The following RBPMS variants were observed in gnomAD, a reference collection of about 807,000 sequenced individuals.
The protein encoded by RBPMS is RNA-binding protein with multiple splicing.
RBPMS carries 7 observed loss-of-function variants against 26.8 expected under a neutral mutation model. The observed-to-expected ratio is 0.26, with a 90% CI of 0.15 to 0.49. RBPMS has a LOEUF of 0.49. Among genes scored for constraint, RBPMS ranks in the 20% least tolerant of loss-of-function variants. The pLI is 0.98. For missense variants in RBPMS, 186 were observed against 250.0 expected (o/e 0.74, Z 1.73); for synonymous variants, 96 against 93.3 (o/e 1.03, Z -0.17).
intron 8 of RBPMS, among the ~76,000 whole-genome samples, chr8:30,569,614 G>T (rs965814328): frequency 1.3e-5 from 2 of 152,192 alleles, no homozygotes; most frequent in African/African-American, 4.8e-5. Context: ...GGTGGAGAGT[G>T]ATTTAGGAAT....
intron 4 of RBPMS, among the ~76,000 whole-genome samples, chr8:30,490,341 A>T (rs1411950850): frequency 6.6e-6 from 1 of 152,206 alleles, no homozygotes; most frequent in Non-Finnish European, 1.5e-5. Context: ...TTAATTGTGC[A>T]CATCTTTCTC....
chr8:30,495,016 A>G (rs1207444364), intron 4 of RBPMS, among the ~76,000 whole-genome samples: 3 of 152,228 alleles, frequency 2.0e-5, no homozygotes, highest in Non-Finnish European at 2.9e-5. Context: ...AGTCACTAGG[A>G]AATATTAAAA....
At position 30,431,343 on chromosome 8, in the gene RBPMS, CT is replaced by C. The variant is rs576852304; in HGVS notation, c.67-43427del. Among the ~76,000 whole-genome samples, 103 of 122,478 alleles carry C rather than the reference CT, an allele frequency of 8.4e-4. 1 individual carries two copies. The highest frequency in any genetic ancestry group is 2.5e-3 in the African/African-American group (79 of 31,494). The allele number at this position is 122,478 out of a possible 152,430, so 80.4% of individuals were successfully genotyped here. A position where few individuals can be genotyped will look rare whatever the true frequency, so the allele number is the denominator to read the frequency against. On this transcript the variant is annotated intron_variant, in intron 1 of 8. Transcript: ENST00000397323. The stretch of plus-strand genomic sequence containing the variant: ...TCTTTCTTTCTCCTTTCTTTCTTTT[CT>C]TTTTTTTTCTTTCTCTTTCTTTCTT...
intron 5 of RBPMS, among the ~76,000 whole-genome samples, 184 bp downstream of exon 5, chr8:30,504,620 C>A (rs1820903188): frequency 6.6e-6 from 1 of 152,058 alleles, no homozygotes; most frequent in South Asian, 2.1e-4. Flanking sequence ...GATTGGCTTC[C>A]CAAAAGATGG....
intron 1 of RBPMS, among the ~76,000 whole-genome samples, chr8:30,389,452 A>T (rs1451222636): frequency 6.6e-6 from 1 of 152,176 alleles, no homozygotes; most frequent in South Asian, 2.1e-4. Context: ...TTAAGGATAA[A>T]AGTGTTCAGT....
intron 6 of RBPMS, chr8:30,545,092 T>G: frequency 7.4e-7 from 1 of 1,358,156 alleles, no homozygotes; most frequent in Non-Finnish European, 9.6e-7. Flanking sequence ...AGGGAAAGCT[T>G]CCAGGGGGGA....
At chr8:30,412,438 A>T (rs1273643184) in intron 1 of RBPMS, among the ~76,000 whole-genome samples, 1 of 151,888 alleles carries the variant, frequency 6.6e-6, no homozygotes, top group African/African-American at 2.4e-5. Context: ...TTTAATAGGA[A>T]TGACACTACT....
intron 1 of RBPMS, among the ~76,000 whole-genome samples, chr8:30,461,695 T>C (rs537191050): frequency 5.9e-5 from 9 of 152,296 alleles, no homozygotes; most frequent in African/African-American, 1.9e-4. Flanking sequence ...GCACCCGGCC[T>C]CATGTACAGT....
At chr8:30,503,737 G>C (rs1820801852) in intron 4 of RBPMS, among the ~76,000 whole-genome samples, 1 of 152,138 alleles carries the variant, frequency 6.6e-6, no homozygotes, top group Non-Finnish European at 1.5e-5. Flanking sequence ...CATGGGAACT[G>C]AGTGGGTCCC....
chr8:30,461,070 G>A (rs767919720), intron 1 of RBPMS, among the ~76,000 whole-genome samples: 11 of 151,130 alleles, frequency 7.3e-5, no homozygotes, highest in Non-Finnish European at 1.5e-4. Context: ...AGAAATTAAC[G>A]GGAAAAAGAC....
intron 1 of RBPMS, among the ~76,000 whole-genome samples, chr8:30,421,385 A>C (rs1196565631): frequency 6.6e-6 from 1 of 152,148 alleles, no homozygotes; most frequent in Admixed American, 6.5e-5. Flanking sequence ...ATTTAAAGTA[A>C]ATTTCTTAAA....
In RBPMS at chr8:30,518,687, C is replaced by CTTTTTTTTTTTTTTTTTTTTTTTTTT. The variant is rs58763494; in HGVS notation, c.397+14254_397+14279dup. Among the ~76,000 whole-genome samples, 6 of 18,244 alleles carry CTTTTTTTTTTTTTTTTTTTTTTTTTT rather than the reference C, an allele frequency of 3.3e-4. 3 individuals carry two copies. Among genetic ancestry groups the CTTTTTTTTTTTTTTTTTTTTTTTTTT allele is most frequent in the East Asian group, 3.8e-3 (2 of 526 alleles). 12.0% of individuals were successfully genotyped at this position (18,244 alleles called of 152,430 possible). A position where few individuals can be genotyped will look rare whatever the true frequency, so the allele number is the denominator to read the frequency against. ...CAGTGATCCGCCCGGCCAAGCATGA[C>CTTTTTTTTTTTTTTTTTTTTTTTTTT]TTTTTTTTTTTTTTTTTTTTTTTTT... On this transcript the variant is annotated intron_variant, in intron 5 of 8. Coordinates refer to ENST00000397323, the MANE Select transcript of RBPMS (RefSeq NM_001008710.3).
intron 1 of RBPMS, among the ~76,000 whole-genome samples, chr8:30,471,183 A>G (rs1183624473): frequency 6.6e-5 from 10 of 152,232 alleles, no homozygotes; most frequent in Admixed American, 2.0e-4. Flanking sequence ...TATAAGATAA[A>G]TTTTTTTCCT....
chr8:30,385,301 G>A, intron 1 of RBPMS, 143 bp downstream of exon 1: 1 of 511,316 alleles, frequency 2.0e-6, no homozygotes, highest in Non-Finnish European at 3.2e-6. Context: ...GTGGCCCGGG[G>A]AGGGTGGATC....
At chr8:30,441,369 A>G (rs1341507743) in intron 1 of RBPMS, among the ~76,000 whole-genome samples, 1 of 152,200 alleles carries the variant, frequency 6.6e-6, no homozygotes, top group African/African-American at 2.4e-5. Flanking sequence ...GTGTAGGTAG[A>G]AAAAGCAGTG....
intron 7 of RBPMS, chr8:30,562,114 T>A: frequency 1.2e-6 from 1 of 856,172 alleles, no homozygotes; most frequent in Non-Finnish European, 1.4e-6. Flanking sequence ...GCGGATCACT[T>A]GATGCCAGAA....
chr8:30,511,250 G>A (rs1161435533), intron 5 of RBPMS, among the ~76,000 whole-genome samples: 5 of 152,008 alleles, frequency 3.3e-5, no homozygotes, highest in African/African-American at 1.2e-4. Context: ...GGAGGCAGAG[G>A]TTGCAGTGAG....
chr8:30,546,624 A>G (rs991081725), intron 6 of RBPMS, among the ~76,000 whole-genome samples: 2 of 152,176 alleles, frequency 1.3e-5, no homozygotes, highest in Non-Finnish European at 2.9e-5. Context: ...ACTTTCCCAA[A>G]CTGGAATCCA....
intron 5 of RBPMS, among the ~76,000 whole-genome samples, chr8:30,520,650 C>A (rs1421552265): frequency 1.3e-5 from 2 of 152,036 alleles, no homozygotes; most frequent in Non-Finnish European, 2.9e-5. Context: ...TAATGCATTT[C>A]TTTGGCTATT....
Sources: gnomAD v4.1 joint callset for allele counts (sites outside exome capture counted in the v4.1 genomes callset) on GRCh38, gnomAD v4.1.1 for gene constraint, MANE v1.5 for transcripts, NCBI Gene and HGNC (gene_info 2026-07-23, HGNC 2026-07-21) for gene names.